APPBP2: variants seen among roughly 807,000 people sequenced by gnomAD.
The protein encoded by APPBP2 is amyloid protein-binding protein 2.
APPBP2 carries 15 observed loss-of-function variants against 76.0 expected under a neutral mutation model. The ratio of observed to expected loss-of-function variants is 0.20; its 90% CI spans 0.13 to 0.30. The LOEUF (loss-of-function observed/expected upper bound fraction) is 0.30, where lower values mean the gene tolerates loss of function less well. Among genes scored for constraint, APPBP2 ranks in the 10% least tolerant of loss-of-function variants. The pLI, the probability that APPBP2 is intolerant of heterozygous loss-of-function variation, is 1.00. For synonymous variants in APPBP2, 222 were observed against 242.2 expected (o/e 0.92, Z 0.77); for missense variants, 401 against 687.2 (o/e 0.58, Z 4.66).
intron 4 of APPBP2, among the ~76,000 whole-genome samples, chr17:60,467,340 T>G (rs2090519333): frequency 6.6e-6 from 1 of 152,168 alleles, no homozygotes; most frequent in African/African-American, 2.4e-5. Flanking sequence ...AAAAAATTTA[T>G]TTTTTCTATC....
intron 1 of APPBP2, among the ~76,000 whole-genome samples, chr17:60,507,478 TC>T (rs1466358427): frequency 1.3e-5 from 2 of 152,128 alleles, no homozygotes; most frequent in Non-Finnish European, 2.9e-5. Flanking sequence ...CACCTCAGCC[TC>T]CCAAAGTGCT....
intron 3 of APPBP2, among the ~76,000 whole-genome samples, chr17:60,490,889 T>C (rs2090723772): frequency 6.6e-6 from 1 of 152,222 alleles, no homozygotes; most frequent in African/African-American, 2.4e-5. Context: ...CCCAGCCACG[T>C]GGAACTATGA....
chr17:60,525,468 G>C (rs573283586), intron 1 of APPBP2, among the ~76,000 whole-genome samples: 7 of 152,150 alleles, frequency 4.6e-5, no homozygotes, highest in Non-Finnish European at 8.8e-5. Flanking sequence ...CTGAAGATAC[G>C]GGCTAGAAGG....
intron 12 of APPBP2, among the ~76,000 whole-genome samples, chr17:60,450,966 T>C (rs942307490): frequency 6.6e-6 from 1 of 152,126 alleles, no homozygotes; most frequent in Non-Finnish European, 1.5e-5. Context: ...AATATAAAAA[T>C]GGGCAAGAGT....
At chr17:60,502,625 G>A (rs1382115446) in intron 1 of APPBP2, among the ~76,000 whole-genome samples, 1 of 146,584 alleles carries the variant, frequency 6.8e-6, no homozygotes, top group Non-Finnish European at 1.5e-5. Flanking sequence ...AGGCCAAGGG[G>A]GGGTGGATCA....
At chr17:60,448,011 T>C (rs2090363772) in intron 12 of APPBP2, among the ~76,000 whole-genome samples, 177 bp from the exon 13 acceptor site, 1 of 152,204 alleles carries the variant, frequency 6.6e-6, no homozygotes, top group Non-Finnish European at 1.5e-5. Context: ...AACCATGAGC[T>C]ATCACTAAGA....
chr17:60,484,077 C>G (rs1345890168), intron 3 of APPBP2, among the ~76,000 whole-genome samples: 2 of 152,144 alleles, frequency 1.3e-5, no homozygotes, highest in Non-Finnish European at 2.9e-5. Flanking sequence ...GTGTTCTGTT[C>G]CACTGGTCTA....
chr17:60,455,735 A>C (rs2090426263), intron 10 of APPBP2, among the ~76,000 whole-genome samples: 1 of 152,202 alleles, frequency 6.6e-6, no homozygotes, highest in African/African-American at 2.4e-5. Context: ...TGCATGCATG[A>C]GTGAATGACA....
chr17:60,521,265 A>G (rs73330244), intron 1 of APPBP2, among the ~76,000 whole-genome samples: 12,523 of 152,278 alleles, frequency 0.082, 1,707 homozygotes, highest in African/African-American at 0.28. Flanking sequence ...TAATAGAGCC[A>G]AAAAGTTCCT....
At chr17:60,473,508 T>G (rs544887476) in intron 4 of APPBP2, among the ~76,000 whole-genome samples, 1 of 152,286 alleles carries the variant, frequency 6.6e-6, no homozygotes, top group East Asian at 1.9e-4. Flanking sequence ...TGTGATAACA[T>G]TAAAACACTT....
At chr17:60,478,897 G>A (rs2090609717) in intron 4 of APPBP2, among the ~76,000 whole-genome samples, 2 of 151,864 alleles carry the variant, frequency 1.3e-5, no homozygotes, top group South Asian at 4.1e-4. Flanking sequence ...GTGAAAGAGC[G>A]AGACTCTGTT....
intron 3 of APPBP2, among the ~76,000 whole-genome samples, chr17:60,482,190 C>T (rs1403634844): frequency 6.6e-6 from 1 of 152,128 alleles, no homozygotes. Context: ...CGGGTTACTA[C>T]TTCGATTAAA....
intron 3 of APPBP2, among the ~76,000 whole-genome samples, chr17:60,492,757 A>G (rs149078079): frequency 5.7e-4 from 87 of 152,340 alleles, no homozygotes; most frequent in Admixed American, 1.0e-3. Flanking sequence ...GCTCACAGGC[A>G]GAAGAGACTT....
At chr17:60,475,680 C>A (rs955627111) in intron 4 of APPBP2, among the ~76,000 whole-genome samples, 1 of 151,522 alleles carries the variant, frequency 6.6e-6, no homozygotes, top group Admixed American at 6.6e-5. Context: ...CACACACACA[C>A]ACACACACAC....
chr17:60,483,840 T>C (rs866830189), intron 3 of APPBP2, among the ~76,000 whole-genome samples: 3 of 152,366 alleles, frequency 2.0e-5, no homozygotes, highest in South Asian at 2.1e-4. Flanking sequence ...CCAGGTTTTC[T>C]TCTACGGTTT....
At chr17:60,482,996 G>C (rs1022577452) in intron 3 of APPBP2, among the ~76,000 whole-genome samples, 24 of 152,150 alleles carry the variant, frequency 1.6e-4, no homozygotes, top group Non-Finnish European at 2.2e-4. Flanking sequence ...GATCCTTGAG[G>C]AATCGCCACA....
At chr17:60,471,160 A>G (rs2090549673) in intron 4 of APPBP2, among the ~76,000 whole-genome samples, 2 of 152,130 alleles carry the variant, frequency 1.3e-5, no homozygotes, top group African/African-American at 4.8e-5. Flanking sequence ...TAGAAACTTA[A>G]TTGACATGTG....
At chr17:60,470,431 TA>T (rs2090543773) in intron 4 of APPBP2, among the ~76,000 whole-genome samples, 1 of 152,146 alleles carries the variant, frequency 6.6e-6, no homozygotes, top group South Asian at 2.1e-4. Flanking sequence ...GGCTGATTTT[TA>T]AAAAAATTAT....
chr17:60,462,097 A>C (rs1471039643), intron 6 of APPBP2, 36 bp from the exon 7 acceptor site: 1 of 1,504,602 alleles, frequency 6.6e-7, no homozygotes. Context: ...ACTCTCAAAC[A>C]GTTCATTAGT....
Sources: gnomAD v4.1 joint callset for allele counts (sites outside exome capture counted in the v4.1 genomes callset) on GRCh38, gnomAD v4.1.1 for gene constraint, MANE v1.5 for transcripts, NCBI Gene and HGNC (gene_info 2026-07-23, HGNC 2026-07-21) for gene names.